The following ADAMTS19 variants were observed in gnomAD, a reference collection of about 807,000 sequenced individuals.
ADAMTS19 encodes ADAM metallopeptidase with thrombospondin type 1 motif 19, also known as A disintegrin and metalloproteinase with thrombospondin motifs 19.
In ADAMTS19, 93 loss-of-function variants were observed where a neutral mutation model predicts 153.3. That is an observed-to-expected ratio of 0.61 (90% CI 0.51 to 0.72). The LOEUF is 0.72. Ranked by LOEUF, ADAMTS19 falls within the 30% of genes least tolerant of loss-of-function variation. The pLI, the probability that ADAMTS19 is intolerant of heterozygous loss-of-function variation, is 0.00. For synonymous variants in ADAMTS19, 600 were observed against 556.6 expected (o/e 1.08, Z -1.10); for missense variants, 1,482 against 1,552.1 (o/e 0.95, Z 0.76).
At chr5:129,512,612 A>G (rs1038847171) in intron 3 of ADAMTS19, among the ~76,000 whole-genome samples, 1 of 152,110 alleles carries the variant, frequency 6.6e-6, no homozygotes, top group Non-Finnish European at 1.5e-5. Context: ...GAAACCTAGA[A>G]TCTTCCAGGT....
intron 8 of ADAMTS19, among the ~76,000 whole-genome samples, chr5:129,610,789 C>T (rs1751171603): frequency 6.6e-6 from 1 of 152,116 alleles, no homozygotes; most frequent in South Asian, 2.1e-4. Context: ...ATTTATAATC[C>T]TTTGGGTATA....
At chr5:129,566,253 A>C (rs2126853805) in intron 7 of ADAMTS19, among the ~76,000 whole-genome samples, 1 of 152,274 alleles carries the variant, frequency 6.6e-6, no homozygotes, top group South Asian at 2.1e-4. Context: ...GAGATAATGG[A>C]AATGTTTGAT....
chr5:129,681,118 CAT>C (rs1754789614), intron 17 of ADAMTS19, among the ~76,000 whole-genome samples: 2 of 152,304 alleles, frequency 1.3e-5, no homozygotes, highest in South Asian at 2.1e-4. Flanking sequence ...CAATTGGAGA[CAT>C]GTGTGTTGCT....
intron 14 of ADAMTS19, among the ~76,000 whole-genome samples, chr5:129,658,401 A>G (rs1436913280): frequency 2.0e-5 from 3 of 150,934 alleles, no homozygotes; most frequent in Non-Finnish European, 4.4e-5. Flanking sequence ...TAGGTAGGTT[A>G]TCTCTCATCA....
At chr5:129,678,751 T>A (rs576824968) in intron 16 of ADAMTS19, among the ~76,000 whole-genome samples, 6 of 152,298 alleles carry the variant, frequency 3.9e-5, no homozygotes, top group Admixed American at 2.6e-4. Flanking sequence ...AATATTCAGA[T>A]ATACACATAA....
At chr5:129,643,915 G>T (rs1281819085) in intron 11 of ADAMTS19, among the ~76,000 whole-genome samples, 2 of 152,076 alleles carry the variant, frequency 1.3e-5, no homozygotes, top group Non-Finnish European at 2.9e-5. Flanking sequence ...AAACACAAAA[G>T]CAGTAATATT....
intron 7 of ADAMTS19, among the ~76,000 whole-genome samples, chr5:129,586,350 C>T (rs1412974059): frequency 6.6e-6 from 1 of 152,096 alleles, no homozygotes; most frequent in Non-Finnish European, 1.5e-5. Flanking sequence ...GCTCTTAATC[C>T]TTGGCATCCA....
At chr5:129,728,626 C>G (rs954646723) in intron 21 of ADAMTS19, among the ~76,000 whole-genome samples, 3 of 152,044 alleles carry the variant, frequency 2.0e-5, no homozygotes, top group African/African-American at 7.2e-5. Context: ...AACAAAGTGG[C>G]TTTGTAGTGT....
At chr5:129,674,258 T>G (rs13358933) in intron 16 of ADAMTS19, among the ~76,000 whole-genome samples, 2,707 of 152,114 alleles carry the variant, frequency 0.018, 73 homozygotes, top group African/African-American at 0.061. Flanking sequence ...TTAAATCCAT[T>G]TTTTTTAATA....
At chr5:129,697,136 T>A (rs975650994) in intron 19 of ADAMTS19, among the ~76,000 whole-genome samples, 1 of 152,106 alleles carries the variant, frequency 6.6e-6, no homozygotes, top group Non-Finnish European at 1.5e-5. Context: ...TAGAGTCAGG[T>A]TGGAATTTAG....
chr5:129,669,075 AAT>A (rs1299899111), intron 16 of ADAMTS19, among the ~76,000 whole-genome samples: 1 of 150,112 alleles, frequency 6.7e-6, no homozygotes, highest in East Asian at 1.9e-4. Flanking sequence ...AAAGTCCAGG[AAT>A]ATATATATGT....
intron 15 of ADAMTS19, among the ~76,000 whole-genome samples, chr5:129,663,624 G>T (rs191401571): frequency 3.3e-5 from 5 of 152,144 alleles, no homozygotes. Flanking sequence ...GTATCTTCTG[G>T]ATTTTCTCCC....
intron 2 of ADAMTS19, among the ~76,000 whole-genome samples, chr5:129,465,236 A>T (rs1749813990): frequency 1.3e-5 from 2 of 152,222 alleles, no homozygotes; most frequent in Admixed American, 6.5e-5. Context: ...AAAAATTAAA[A>T]CACACAAAAG....
Position 129,596,657 on chromosome 5 carries a change from G to A in ADAMTS19, c.1471G>A (p.Gly491Ser). ...NLAFTIAHEM[G>S]HNMGINHDND... ...TGCTTTTACAATTGCTCATGAAATG[G>A]GTCACAAGTAAGTAAAAATCATGGC... The change falls in exon 8 of 23, where the codon GGT (glycine) becomes AGT (serine). Residue 491 changes from glycine (G) to serine (S), a missense_variant. This residue lies in a region of ADAMTS19 where 866 missense variants were observed against 827.7 expected (regional missense o/e 1.05). Transcript: ENST00000274487. The A allele has an allele frequency of 6.3e-7, 1 of 1,599,184 alleles. No individual in the cohort carries two copies.
At chr5:129,621,097 A>G (rs2126977348) in intron 9 of ADAMTS19, among the ~76,000 whole-genome samples, 1 of 152,250 alleles carries the variant, frequency 6.6e-6, no homozygotes, top group African/African-American at 2.4e-5. Flanking sequence ...CAGCACGTCT[A>G]TTATCACGAA....
At chr5:129,714,396 G>A (rs1166342078) in intron 21 of ADAMTS19, among the ~76,000 whole-genome samples, 2 of 144,198 alleles carry the variant, frequency 1.4e-5, no homozygotes, top group African/African-American at 2.6e-5. Context: ...TCCGCAGTCC[G>A]GCCTGGGCGA....
intron 7 of ADAMTS19, among the ~76,000 whole-genome samples, chr5:129,571,966 T>A (rs1019573633): frequency 3.3e-5 from 5 of 151,828 alleles, no homozygotes; most frequent in Admixed American, 3.3e-4. Context: ...TGCAAAAGAA[T>A]GACCATTATA....
At chr5:129,579,676 C>T (rs1373037021) in intron 7 of ADAMTS19, among the ~76,000 whole-genome samples, 3 of 152,028 alleles carry the variant, frequency 2.0e-5, no homozygotes, top group African/African-American at 7.2e-5. Flanking sequence ...TTCCCAACAC[C>T]GTTTATTAAA....
Position 129,645,885 on chromosome 5 carries a change from A to ATTTTTTTTTTTTT in ADAMTS19, c.1873-1871_1873-1859dup, listed in dbSNP as rs529444004. 4.7e-4 allele frequency among the ~76,000 whole-genome samples: 46 copies of ATTTTTTTTTTTTT among 97,102 alleles called. 2 individuals carry two copies. The highest frequency in any genetic ancestry group is 1.8e-3 in the Admixed American group (15 of 8,436). 63.7% of individuals were successfully genotyped at this position (97,102 alleles called of 152,430 possible). A position where few individuals can be genotyped will look rare whatever the true frequency, so the allele number is the denominator to read the frequency against. On this transcript the variant is annotated intron_variant, in intron 11 of 22. Coordinates refer to ENST00000274487, the MANE Select transcript of ADAMTS19 (RefSeq NM_133638.6). ...CACATGGTTTCTTTCTCCTTTTCCA[A>ATTTTTTTTTTTTT]TTTTTTTTTTTTTTTTTTTTTGAGA... is the stretch of plus-strand genomic sequence containing the variant.
Sources: gnomAD v4.1 joint callset for allele counts (sites outside exome capture counted in the v4.1 genomes callset) on GRCh38, gnomAD v4.1.1 for gene constraint, gnomAD v4.1.1 regional missense constraint, MANE v1.5 for transcripts, NCBI Gene and HGNC (gene_info 2026-07-23, HGNC 2026-07-21) for gene names.